CRACD: variants seen among roughly 807,000 people sequenced by gnomAD.
CRACD encodes the protein capping protein-inhibiting regulator of actin dynamics.
In CRACD, 56 loss-of-function variants were observed where a neutral mutation model predicts 106.8. The ratio of observed to expected loss-of-function variants is 0.52; its 90% confidence interval spans 0.42 to 0.66. The LOEUF (loss-of-function observed/expected upper bound fraction) is 0.66. CRACD is among the 30% of genes least tolerant of loss of function. The probability of loss-of-function intolerance (pLI) is 0.00; values close to 1 mark genes in which losing one functional copy is unlikely to be tolerated. For synonymous variants in CRACD, 754 were observed against 670.8 expected (o/e 1.12, Z -1.92); for missense variants, 1,730 against 1,623.2 (o/e 1.07, Z -1.13).
At chr4:56,184,614 A>T (rs867447921) in intron 2 of CRACD, among the ~76,000 whole-genome samples, 1 of 152,014 alleles carries the variant, frequency 6.6e-6, no homozygotes, top group African/African-American at 2.4e-5. Flanking sequence ...TGCTCTTGCT[A>T]CTCCTGCAGC....
Position 56,315,918 on chromosome 4 carries a change from C to T in CRACD, c.2416C>T (p.Pro806Ser), listed in dbSNP as rs768025929. Reference sequence around the variant, plus strand: ...TTTCCTTGTCCCAAGCCTTCCTTACCCTCCGCAGAAAGTGGTGGCCCACAC... The same window carrying T: ...TTTCCTTGTCCCAAGCCTTCCTTACTCTCCGCAGAAAGTGGTGGCCCACAC... ...PSFLVPSLPY[P>S]PQKVVAHTEF... Residue 806 changes from proline to serine, a missense_variant, in exon 8 of 11, where the codon CCT (proline) becomes TCT (serine). Pro to Ser is a moderately conservative substitution (Grantham distance 74). Around this residue, in one of 5 missense-constraint regions of CRACD, gnomAD observed 1,620 missense variants for 1,481.6 expected, o/e 1.09. Coordinates refer to ENST00000682029, the MANE Select transcript of CRACD (RefSeq NM_001393381.1). This position sits in a 1 kb window ranked among gnomAD's most constrained non-coding sequence, Gnocchi z 4.1. 6.2e-7 allele frequency: 1 copy of T among 1,614,200 alleles called. No homozygotes were observed. The highest frequency in any genetic ancestry group is 1.1e-5 in the South Asian group (1 of 91,078).
At chr4:56,293,990 G>T (rs1474409348) in intron 3 of CRACD, among the ~76,000 whole-genome samples, 3 of 152,152 alleles carry the variant, frequency 2.0e-5, no homozygotes, top group Non-Finnish European at 2.9e-5. Flanking sequence ...ACTTTGGGAG[G>T]CTAAGGTGGG....
chr4:56,066,133 G>T (rs980472826), intron 1 of CRACD, among the ~76,000 whole-genome samples: 6 of 152,096 alleles, frequency 3.9e-5, no homozygotes, highest in Non-Finnish European at 7.4e-5. Flanking sequence ...TATCAATTGT[G>T]AACAGTGCTT....
chr4:56,179,642 C>T (rs1231583658), intron 2 of CRACD, among the ~76,000 whole-genome samples: 1 of 152,166 alleles, frequency 6.6e-6, no homozygotes, highest in East Asian at 1.9e-4. Flanking sequence ...GACTTAAATT[C>T]TCTGAACCCC....
At chr4:56,139,264 T>A (rs1735113258) in intron 1 of CRACD, among the ~76,000 whole-genome samples, 1 of 152,166 alleles carries the variant, frequency 6.6e-6, no homozygotes, top group South Asian at 2.1e-4. Flanking sequence ...AGAAAAAACC[T>A]TGGTTTACCT....
intron 2 of CRACD, among the ~76,000 whole-genome samples, chr4:56,237,620 T>A (rs1001614028): frequency 6.6e-6 from 1 of 152,054 alleles, no homozygotes; most frequent in Non-Finnish European, 1.5e-5. Context: ...CAATATTTAG[T>A]TTTAGAAAGA....
chr4:56,067,415 A>G (rs1373594888), intron 1 of CRACD, among the ~76,000 whole-genome samples: 1 of 152,210 alleles, frequency 6.6e-6, no homozygotes, highest in Non-Finnish European at 1.5e-5. Flanking sequence ...ACTTCTTTGG[A>G]TCTGGATACC....
intron 1 of CRACD, among the ~76,000 whole-genome samples, chr4:56,054,534 A>G (rs1451129290): frequency 1.3e-5 from 2 of 152,198 alleles, no homozygotes; most frequent in Non-Finnish European, 2.9e-5. Flanking sequence ...ATCAATTTAG[A>G]TATTAATTTA....
chr4:56,052,793 T>C (rs1184700262), intron 1 of CRACD, among the ~76,000 whole-genome samples: 4 of 152,176 alleles, frequency 2.6e-5, no homozygotes, highest in Admixed American at 2.0e-4. Context: ...AAAGCCTGTC[T>C]GCCCTCTTAA....
intron 4 of CRACD, among the ~76,000 whole-genome samples, chr4:56,303,144 A>G (rs1314718810): frequency 6.6e-6 from 1 of 152,216 alleles, no homozygotes; most frequent in East Asian, 1.9e-4. Context: ...CAGGAGTTCA[A>G]GACCAGCCTG....
At chr4:56,300,876 T>C (rs1030633923) in intron 4 of CRACD, among the ~76,000 whole-genome samples, 3 of 152,218 alleles carry the variant, frequency 2.0e-5, no homozygotes, top group Non-Finnish European at 4.4e-5. Flanking sequence ...GGCGTGATTT[T>C]AAATAACCTG....
chr4:56,278,580 C>A (rs1278634749), intron 3 of CRACD, among the ~76,000 whole-genome samples: 1 of 152,018 alleles, frequency 6.6e-6, no homozygotes, highest in African/African-American at 2.4e-5. Context: ...TTTCCATGAC[C>A]TTGAATTAGG....
intron 8 of CRACD, among the ~76,000 whole-genome samples, chr4:56,317,453 G>C (rs1050664420): frequency 6.6e-6 from 1 of 152,198 alleles, no homozygotes; most frequent in African/African-American, 2.4e-5. Flanking sequence ...TTACACAAGC[G>C]ATAAAAGGTG....
At position 56,295,096 on chromosome 4, in the gene CRACD, AAAC is replaced by A. The variant is rs1316126878; in HGVS notation, c.-16-3106_-16-3104del. On this transcript the variant is annotated intron_variant, in intron 3 of 10. Transcript: ENST00000682029. ...CAGGTAAGTAAAAAAAGTAAAAACAAAACAACAACAACAAAAAACAGACAAGTA... is the reference window on the plus strand; with the variant it reads ...CAGGTAAGTAAAAAAAGTAAAAACAAAACAACAACAAAAAACAGACAAGTA... Among the ~76,000 whole-genome samples the A allele has an allele frequency of 1.4e-3, 213 of 152,052 alleles. 1 individual carries two copies. The highest frequency in any genetic ancestry group is 4.8e-3 in the African/African-American group (198 of 41,508).
At chr4:56,064,304 C>G (rs191142203) in intron 1 of CRACD, among the ~76,000 whole-genome samples, 79 of 152,274 alleles carry the variant, frequency 5.2e-4, no homozygotes, top group Non-Finnish European at 8.1e-4. Flanking sequence ...TTTTCATTGT[C>G]TGGATAGTGT....
chr4:56,075,037 G>T (rs545559147), intron 1 of CRACD, among the ~76,000 whole-genome samples: 1 of 152,090 alleles, frequency 6.6e-6, no homozygotes, highest in Non-Finnish European at 1.5e-5. Context: ...GGATGAAGCC[G>T]ACTTGATCGT....
chr4:56,200,239 T>C (rs1023938152), intron 2 of CRACD, among the ~76,000 whole-genome samples: 1 of 152,060 alleles, frequency 6.6e-6, no homozygotes, highest in African/African-American at 2.4e-5. Flanking sequence ...TGGAATTAAT[T>C]TATCCTCTGT....
chr4:56,172,478 T>C (rs1295992712), intron 1 of CRACD, among the ~76,000 whole-genome samples: 1 of 152,210 alleles, frequency 6.6e-6, no homozygotes, highest in African/African-American at 2.4e-5. Context: ...CTTTCTTTTT[T>C]TGAGACAGAG....
At chr4:56,312,741 T>C (rs1471052669) in intron 6 of CRACD, among the ~76,000 whole-genome samples, 1 of 152,124 alleles carries the variant, frequency 6.6e-6, no homozygotes, top group Non-Finnish European at 1.5e-5. Context: ...AACTACTCAT[T>C]ATTTTAGGCT....
Sources: gnomAD v4.1 joint callset for allele counts (sites outside exome capture counted in the v4.1 genomes callset) on GRCh38, gnomAD v4.1.1 for gene constraint, gnomAD v4.1.1 regional missense constraint, Gnocchi (gnomAD v3.1) non-coding constraint, MANE v1.5 for transcripts, NCBI Gene and HGNC (gene_info 2026-07-23, HGNC 2026-07-21) for gene names.